GNA12: variants seen among roughly 807,000 people sequenced by gnomAD.
GNA12 encodes the protein G protein subunit alpha 12.
In GNA12, 9 loss-of-function variants were observed where a neutral mutation model predicts 26.0. That is an observed-to-expected ratio of 0.35 (90% CI 0.21 to 0.60). The LOEUF is 0.60. Among genes scored for constraint, GNA12 ranks in the 20% least tolerant of loss-of-function variants. The pLI is 0.78. For missense variants in GNA12, 405 were observed against 525.8 expected, an observed-to-expected ratio of 0.77 and a Z score of 2.25; for synonymous variants, 264 against 219.6, an observed-to-expected ratio of 1.20 and a Z score of -1.79.
intron 1 of GNA12, among the ~76,000 whole-genome samples, chr7:2,830,963 CA>C (rs1011351825): frequency 6.8e-6 from 1 of 147,358 alleles, no homozygotes; most frequent in East Asian, 2.0e-4. Flanking sequence ...GAAAAAAAAA[CA>C]AAAAACAAAA....
intron 2 of GNA12, among the ~76,000 whole-genome samples, chr7:2,753,937 C>G (rs1003445023): frequency 8.5e-5 from 13 of 152,132 alleles, no homozygotes; most frequent in African/African-American, 3.1e-4. Flanking sequence ...AATCCGACCA[C>G]GAGCTCTGTA....
intron 2 of GNA12, among the ~76,000 whole-genome samples, chr7:2,793,881 CAAA>C (rs71026557): frequency 9.5e-4 from 91 of 95,774 alleles, no homozygotes; most frequent in Admixed American, 1.7e-3. Context: ...GACTCCATCT[CAAA>C]AAAAAAAAAA....
chr7:2,789,132 C>CTTTT (rs71026556), intron 2 of GNA12, among the ~76,000 whole-genome samples: 3 of 72,830 alleles, frequency 4.1e-5, no homozygotes, highest in South Asian at 5.5e-4. Flanking sequence ...CTTCAGGCAT[C>CTTTT]TTTTTTTTTT....
intron 1 of GNA12, among the ~76,000 whole-genome samples, chr7:2,838,074 G>C (rs560088115): frequency 8.4e-4 from 128 of 152,090 alleles, no homozygotes; most frequent in African/African-American, 3.0e-3. Flanking sequence ...AGGAGACTGG[G>C]ATCAGTTACA....
At position 2,820,401 on chromosome 7, in the gene GNA12, C is replaced by CTT. The variant is rs35674433; in HGVS notation, c.309+23450_309+23451dup. ...ATATGTGAGTTATAGCTCAATAAAG[C>CTT]TTTTTTTTTTTTTTTTTTAAGCTGA... On this transcript the variant is annotated intron_variant, in intron 1 of 3. Coordinates refer to ENST00000275364, the MANE Select transcript of GNA12 (RefSeq NM_007353.3). Among the ~76,000 whole-genome samples the CTT allele has an allele frequency of 4.5e-3, 570 of 126,360 alleles. 28 individuals carry two copies. Among genetic ancestry groups the CTT allele is most frequent in the African/African-American group, 0.011 (352 of 33,082 alleles). The allele number at this position is 126,360 out of a possible 152,430, so 82.9% of individuals were successfully genotyped here.
chr7:2,825,300 T>A (rs922418400), intron 1 of GNA12, among the ~76,000 whole-genome samples: 37 of 152,156 alleles, frequency 2.4e-4, no homozygotes, highest in African/African-American at 8.7e-4. Flanking sequence ...GACTTCCCAC[T>A]GGCCAACCAG....
chr7:2,752,340 C>T (rs1048616425), intron 2 of GNA12, among the ~76,000 whole-genome samples: 16 of 152,204 alleles, frequency 1.1e-4, no homozygotes, highest in African/African-American at 3.9e-4. Flanking sequence ...CATCCTAAGT[C>T]ATGGTGGACC....
chr7:2,741,956 G>A (rs1392830823), intron 2 of GNA12, among the ~76,000 whole-genome samples: 2 of 151,698 alleles, frequency 1.3e-5, no homozygotes, highest in Non-Finnish European at 2.9e-5. Flanking sequence ...ACAGAATTTA[G>A]TATATTACTT....
chr7:2,793,812 G>A (rs1214372061), intron 2 of GNA12, among the ~76,000 whole-genome samples: 2 of 150,118 alleles, frequency 1.3e-5, no homozygotes, highest in African/African-American at 4.9e-5. Context: ...GAATCCAGAG[G>A]TGGAGGTTGC....
intron 1 of GNA12, among the ~76,000 whole-genome samples, chr7:2,805,075 A>G (rs748726551): frequency 1.3e-5 from 2 of 152,202 alleles, no homozygotes; most frequent in Admixed American, 6.5e-5. Flanking sequence ...GCCTCAGCAC[A>G]CTGTGGTAAA....
At chr7:2,767,538 C>G (rs991345013) in intron 2 of GNA12, among the ~76,000 whole-genome samples, 1 of 152,188 alleles carries the variant, frequency 6.6e-6, no homozygotes, top group Non-Finnish European at 1.5e-5. Context: ...TTGCTGCCAT[C>G]AACAACTGTG....
intron 2 of GNA12, among the ~76,000 whole-genome samples, chr7:2,737,402 C>T (rs982031327): frequency 6.7e-6 from 1 of 149,668 alleles, no homozygotes; most frequent in Non-Finnish European, 1.5e-5. Context: ...AATTCTCCTG[C>T]CTCAGCCTAC....
chr7:2,784,482 A>G (rs978156358), intron 2 of GNA12, among the ~76,000 whole-genome samples: 10 of 152,226 alleles, frequency 6.6e-5, no homozygotes, highest in African/African-American at 2.2e-4. Context: ...ACTGCCAAAG[A>G]ATAGAATAAC....
chr7:2,804,463 T>C (rs77097207), intron 1 of GNA12, among the ~76,000 whole-genome samples: 463 of 152,326 alleles, frequency 3.0e-3, no homozygotes, highest in Non-Finnish European at 5.1e-3. Flanking sequence ...GGCCAGACTC[T>C]TGTAGATGAG....
chr7:2,733,298 G>A (rs544778441), intron 3 of GNA12, among the ~76,000 whole-genome samples, 153 bp downstream of exon 3: 2 of 152,178 alleles, frequency 1.3e-5, no homozygotes, highest in Non-Finnish European at 2.9e-5. Flanking sequence ...ATCCAAGTGA[G>A]AGCGTGCCAT....
At chr7:2,809,856 ATTG>A (rs1391215023) in intron 1 of GNA12, among the ~76,000 whole-genome samples, 1 of 152,252 alleles carries the variant, frequency 6.6e-6, no homozygotes, top group African/African-American at 2.4e-5. Flanking sequence ...TTATGTAAGT[ATTG>A]TTAGTAATAA....
intron 1 of GNA12, among the ~76,000 whole-genome samples, chr7:2,825,186 G>T (rs906638224): frequency 6.6e-6 from 1 of 152,214 alleles, no homozygotes; most frequent in South Asian, 2.1e-4. Context: ...ACAAAGGTGT[G>T]GGGGAAGCCC....
intron 2 of GNA12, among the ~76,000 whole-genome samples, chr7:2,749,654 A>C (rs954702911): frequency 3.9e-5 from 6 of 152,178 alleles, no homozygotes; most frequent in African/African-American, 4.8e-5. Context: ...TAGAACTTAA[A>C]GTATAATAAT....
chr7:2,825,832 C>T (rs926789155), intron 1 of GNA12, among the ~76,000 whole-genome samples: 6 of 152,122 alleles, frequency 3.9e-5, no homozygotes, highest in African/African-American at 4.8e-5. Context: ...CTTTAGAGTA[C>T]GCTCATTCCA....
Sources: gnomAD v4.1 joint callset for allele counts (sites outside exome capture counted in the v4.1 genomes callset) on GRCh38, gnomAD v4.1.1 for gene constraint, MANE v1.5 for transcripts, NCBI Gene and HGNC (gene_info 2026-07-23, HGNC 2026-07-21) for gene names.